TCHP: variants seen among roughly 807,000 people sequenced by gnomAD.
The protein encoded by TCHP is trichoplein keratin filament binding, also known as trichoplein keratin filament-binding protein.
Under a neutral mutation model 88.7 loss-of-function variants are expected in TCHP, and 81 were observed. That is an observed-to-expected ratio of 0.91 (90% CI 0.76 to 1.10). The LOEUF is 1.10. Among genes scored for constraint, TCHP ranks in the 50% least tolerant of loss-of-function variants. TCHP has a pLI of 0.00. For synonymous variants in TCHP, 232 were observed against 232.5 expected, an observed-to-expected ratio of 1.00 and a Z score of 0.02; for missense variants, 641 against 632.1, an observed-to-expected ratio of 1.01 and a Z score of -0.15.
the TCHP span, among the ~76,000 whole-genome samples, chr12:109,893,946 G>A: frequency 6.6e-6 from 1 of 152,302 alleles, no homozygotes; most frequent in Non-Finnish European, 1.5e-5. Context: ...GACTTTGGGA[G>A]GTTGAGGCAC....
chr12:109,912,958 G>A (rs752616939), intron 9 of TCHP, 33 bp from the exon 10 acceptor site: 2 of 1,602,718 alleles, frequency 1.2e-6, no homozygotes, highest in South Asian at 1.1e-5. Flanking sequence ...GGGCGGGGAG[G>A]AGCCTGCTGT....
rs989947696 is a variant in TCHP, at chr12:109,917,713, A to T, written c.*1090A>T. 1 of 152,598 alleles carries T rather than the reference A, an allele frequency of 6.6e-6. No individual in the cohort carries two copies. Among genetic ancestry groups the T allele is most frequent in the Non-Finnish European group, 1.5e-5 (1 of 68,028 alleles). The allele number at this position is 152,598 out of a possible 1,614,324, so 9.5% of individuals were successfully genotyped here. A position where few individuals can be genotyped will look rare whatever the true frequency, so the allele number is the denominator to read the frequency against. On this transcript the variant is annotated 3_prime_UTR_variant, in exon 13 of 13. Transcript: ENST00000405876. ...CAGGAACAAGTTCCTTGCAGCAATAATATTATTTTATGACTTGTATTTTTA... is the reference window on the plus strand; with the variant it reads ...CAGGAACAAGTTCCTTGCAGCAATATTATTATTTTATGACTTGTATTTTTA...
chr12:109,905,892 A>G lies in TCHP; in HGVS notation c.457-680A>G, dbSNP rs952165570. On this transcript the variant is annotated intron_variant, in intron 4 of 12. Transcript: ENST00000405876. The surrounding 1 kb of genome is among the most constrained non-coding windows in gnomAD (Gnocchi z 4.0). ...TATTTTAAAACTTTTTTATAGAGAC[A>G]GGGTCTCCCTGTGTTGCTCAGGCTG... Among the ~76,000 whole-genome samples, 1 of 152,178 alleles carries G rather than the reference A, an allele frequency of 6.6e-6. No individual in the cohort carries two copies. The highest frequency in any genetic ancestry group is 2.4e-5 in the African/African-American group (1 of 41,442).
chr12:109,913,735 G>A (rs951313396), intron 10 of TCHP, among the ~76,000 whole-genome samples: 1 of 152,246 alleles, frequency 6.6e-6, no homozygotes, highest in South Asian at 2.1e-4. Flanking sequence ...GGTTTCAAAT[G>A]AGAAACTCTA....
At chr12:109,902,718 C>T (rs112912003) in intron 1 of TCHP, among the ~76,000 whole-genome samples, 2,686 of 152,270 alleles carry the variant, frequency 0.018, 79 homozygotes, top group African/African-American at 0.061. Flanking sequence ...TCGTGATCTG[C>T]CCACCTTGGC....
At position 109,900,383 on chromosome 12, in the gene TCHP, G is replaced by A. The variant is rs759109913; in HGVS notation, c.-44G>A. ...CCGGCCCGCTTCGTGCCTGCGGGAA[G>A]TCGGGCCGGGGGACTCTTCGGAAAC... On this transcript the variant is annotated 5_prime_UTR_variant, in exon 1 of 13. Coordinates refer to ENST00000405876, the MANE Select transcript of TCHP (RefSeq NM_001143852.2). 1.3e-5 allele frequency: 2 copies of A among 152,264 alleles called. No homozygotes were observed. The highest frequency in any genetic ancestry group is 2.9e-5 in the Non-Finnish European group (2 of 68,062). The allele number at this position is 152,264 out of a possible 1,614,324, so 9.4% of individuals were successfully genotyped here. A position where few individuals can be genotyped will look rare whatever the true frequency, so the allele number is the denominator to read the frequency against.
In TCHP at chr12:109,908,943, T is replaced by G; in HGVS notation, c.879+6T>G. ...AGCAGATCCAAGAGGAGCTGGTAAG[T>G]CTGAAGAGACAGCCTGACATCTTTC... On this transcript the variant is annotated splice_donor_region_variant and intron_variant, in intron 8 of 12. Coordinates refer to ENST00000405876, the MANE Select transcript of TCHP (RefSeq NM_001143852.2). The G allele has an allele frequency of 6.2e-7, 1 of 1,614,056 alleles. No homozygotes were observed. The highest frequency in any genetic ancestry group is 1.3e-5 in the African/African-American group (1 of 75,034).
intron 10 of TCHP, 183 bp from the exon 11 acceptor site, chr12:109,914,259 C>T (rs1404832468): frequency 7.6e-6 from 4 of 525,810 alleles, no homozygotes; most frequent in Non-Finnish European, 1.4e-5. Context: ...TTCTTGTATA[C>T]TGGCAAGCGT....
intron 9 of TCHP, among the ~76,000 whole-genome samples, chr12:109,911,865 C>T (rs1045563439): frequency 6.6e-5 from 10 of 151,628 alleles, no homozygotes; most frequent in African/African-American, 1.7e-4. Context: ...GGCATGATCT[C>T]GGCTGACTGC....
At chr12:109,907,403 T>G in intron 5 of TCHP, 123 bp from the exon 6 acceptor site, 3 of 978,264 alleles carry the variant, frequency 3.1e-6, no homozygotes, top group South Asian at 1.6e-5. Context: ...TCTGAGGGCG[T>G]TGTCATTTGG....
the TCHP span, among the ~76,000 whole-genome samples, chr12:109,886,861 G>T: frequency 1.3e-5 from 2 of 151,658 alleles, no homozygotes; most frequent in African/African-American, 4.8e-5. Flanking sequence ...GGTGTGCACC[G>T]CCACGCCCGG....
upstream of TCHP, among the ~76,000 whole-genome samples, chr12:109,898,376 A>C (rs1304597942): frequency 6.6e-6 from 1 of 151,944 alleles, no homozygotes; most frequent in Admixed American, 6.6e-5. Flanking sequence ...CGCCCAGCTA[A>C]TTTTTATATT....
At chr12:109,894,939 T>G in the TCHP span, among the ~76,000 whole-genome samples, 31 of 136,458 alleles carry the variant, frequency 2.3e-4, no homozygotes, top group African/African-American at 4.7e-4. Flanking sequence ...AGGCAGGGGG[T>G]GGGGTCGGGG....
the TCHP span, among the ~76,000 whole-genome samples, chr12:109,881,473 A>G: frequency 6.6e-6 from 1 of 152,232 alleles, no homozygotes; most frequent in Non-Finnish European, 1.5e-5. Flanking sequence ...ATATTCACCA[A>G]GTAACCAATG....
At chr12:109,902,833 A>T (rs1185920139) in intron 1 of TCHP, among the ~76,000 whole-genome samples, 194 bp from the exon 2 acceptor site, 1 of 152,174 alleles carries the variant, frequency 6.6e-6, no homozygotes, top group Non-Finnish European at 1.5e-5. Context: ...CCTGGGCCCT[A>T]CTAAGTTTTT....
At chr12:109,912,496 A>G (rs889344783) in intron 9 of TCHP, among the ~76,000 whole-genome samples, 1 of 152,178 alleles carries the variant, frequency 6.6e-6, no homozygotes, top group African/African-American at 2.4e-5. Context: ...GTAACTTAAA[A>G]TACTTCCAAC....
At chr12:109,898,203 T>G (rs1023211175), upstream of TCHP, among the ~76,000 whole-genome samples, 4 of 152,098 alleles carry the variant, frequency 2.6e-5, no homozygotes, top group African/African-American at 7.2e-5. Flanking sequence ...AAAGCTGCAC[T>G]ATTTTTTGTT....
the TCHP span, among the ~76,000 whole-genome samples, chr12:109,889,270 G>A: frequency 2.6e-5 from 4 of 152,030 alleles, no homozygotes; most frequent in Non-Finnish European, 4.4e-5. Context: ...TCAGGAGATC[G>A]AGACCATCCT....
intron 10 of TCHP, 198 bp from the exon 11 acceptor site, chr12:109,914,244 A>G: frequency 2.1e-6 from 1 of 486,180 alleles, no homozygotes; most frequent in African/African-American, 2.0e-5. Flanking sequence ...TTGCGAGGGA[A>G]ACATTTCTTG....
Sources: gnomAD v4.1 joint callset for allele counts (sites outside exome capture counted in the v4.1 genomes callset) on GRCh38, gnomAD v4.1.1 for gene constraint, Gnocchi (gnomAD v3.1) non-coding constraint, MANE v1.5 for transcripts, NCBI Gene and HGNC (gene_info 2026-07-23, HGNC 2026-07-21) for gene names.